The following SAMD14 variants were observed in gnomAD, a reference collection of about 807,000 sequenced individuals.
The protein encoded by SAMD14 is sterile alpha motif domain containing 14, also known as sterile alpha motif domain-containing protein 14.
A neutral mutation model predicts 46.2 loss-of-function variants in SAMD14; 27 were observed. The ratio of observed to expected loss-of-function variants is 0.58; its 90% CI spans 0.43 to 0.81. The LOEUF (loss-of-function observed/expected upper bound fraction) is 0.81, where lower values mean the gene tolerates loss of function less well. Ranked by LOEUF, SAMD14 falls within the 30% of genes least tolerant of loss-of-function variation. SAMD14 has a pLI of 0.00. For synonymous variants in SAMD14, 241 were observed against 254.3 expected, an observed-to-expected ratio of 0.95 and a Z score of 0.50; for missense variants, 559 against 582.2, an observed-to-expected ratio of 0.96 and a Z score of 0.41.
chr17:50,121,420 C>G (rs935123751), intron 2 of SAMD14, among the ~76,000 whole-genome samples: 1 of 151,954 alleles, frequency 6.6e-6, no homozygotes, highest in African/African-American at 2.4e-5. Flanking sequence ...CAGGCTCAAT[C>G]GATTCTCCTG....
Position 50,114,214 on chromosome 17 carries a change from G to A in SAMD14, c.915C>T (p.Tyr305=). The change falls in exon 8 of 10, where the codon TAC becomes TAT. Residue 305 remains tyrosine, a synonymous_variant. Transcript: ENST00000330175. The part of the protein sequence containing the change: ...PWQEAKCSYP[Y]HTLSQSSDEF... ...CATCTGAAGACTGAGACAGCGTGTG[G>A]TAGGGGTAAGAACATTTGGCCTCCT... 2 of 1,614,212 alleles carry A rather than the reference G, an allele frequency of 1.2e-6. No homozygotes were observed. The highest frequency in any genetic ancestry group is 8.5e-7 in the Non-Finnish European group (1 of 1,180,036).
chr17:50,122,381 T>G (rs1337637146), intron 2 of SAMD14, among the ~76,000 whole-genome samples: 4 of 152,154 alleles, frequency 2.6e-5, no homozygotes, highest in Admixed American at 6.5e-5. Context: ...AGTGCATGCT[T>G]TGGCGGAGAT....
At chr17:50,118,023 C>G (rs1567720484) in intron 3 of SAMD14, 138 bp downstream of exon 3, 11 of 931,316 alleles carry the variant, frequency 1.2e-5, no homozygotes, top group Non-Finnish European at 1.7e-5. Context: ...TGAACTGCAG[C>G]TAACACTTGG....
Position 50,117,579 on chromosome 17 carries a change from C to T in SAMD14, c.327G>A (p.Leu109=), listed in dbSNP as rs757341175. 6.4e-7 allele frequency: 1 copy of T among 1,552,796 alleles called. No individual in the cohort carries two copies. Among genetic ancestry groups the T allele is most frequent in the South Asian group, 1.2e-5 (1 of 84,388 alleles). ...CLDPPGLRRS[L]DEDEPPPSPL... is the part of the protein sequence containing the mutation. ...GCGAGGGCGGCGGCTCGTCCTCGTCCAGGCTGCGCCGCAACCCCGGAGGAT... is the reference window on the plus strand; with the variant it reads ...GCGAGGGCGGCGGCTCGTCCTCGTCTAGGCTGCGCCGCAACCCCGGAGGAT... The change falls in exon 4 of 10, where the codon CTG becomes CTA. Residue 109 remains leucine, a synonymous_variant. Coordinates refer to ENST00000330175, the MANE Select transcript of SAMD14 (RefSeq NM_001257359.2).
intron 1 of SAMD14, chr17:50,125,230 C>T: frequency 2.2e-6 from 1 of 460,926 alleles, no homozygotes; most frequent in Non-Finnish European, 4.0e-6. Flanking sequence ...GCCCTGTGGT[C>T]CTGGTATCCT....
At chr17:50,124,806 C>G in intron 2 of SAMD14, 111 bp downstream of exon 2, 1 of 1,033,546 alleles carries the variant, frequency 9.7e-7, no homozygotes, top group Non-Finnish European at 1.5e-6. Context: ...CACACACACA[C>G]ACTCTGAAGC....
chr17:50,112,889 T>TC lies in SAMD14; in HGVS notation c.*3dup. The TC allele has an allele frequency of 6.2e-7, 1 of 1,602,164 alleles. No individual in the cohort carries two copies. The highest frequency in any genetic ancestry group is 2.2e-5 in the East Asian group (1 of 44,806). The stretch of plus-strand genomic sequence containing the variant: ...GCCGGGTGCCAGCGCCTGTGCACCC[T>TC]CCCCTAGCTCTTCTTGGCCTCCTGC... On this transcript the variant is annotated 3_prime_UTR_variant, in exon 10 of 10. Coordinates refer to ENST00000330175, the MANE Select transcript of SAMD14 (RefSeq NM_001257359.2).
At chr17:50,113,790 G>T (rs1431759405) in intron 9 of SAMD14, 134 bp downstream of exon 9, 3 of 997,086 alleles carry the variant, frequency 3.0e-6, no homozygotes, top group Admixed American at 2.4e-5. Flanking sequence ...GGTCAGGGTG[G>T]TGGCCACAGA....
rs1421870009 is a variant in SAMD14 at position 50,110,836 on chromosome 17, G to C, written c.*2057C>G. The stretch of plus-strand genomic sequence containing the variant: ...GCCCACCCGCTCCTCCACAAGCCTA[G>C]TCCATCCTGCCTGAGCTCCAGCCCC... On this transcript the variant is annotated 3_prime_UTR_variant, in exon 10 of 10. Transcript: ENST00000330175. The C allele has an allele frequency of 1.3e-5, 2 of 152,486 alleles. No homozygotes were observed. The highest frequency in any genetic ancestry group is 4.8e-5 in the African/African-American group (2 of 41,424). The allele number at this position is 152,486 out of a possible 1,614,324, so 9.4% of individuals were successfully genotyped here. A position where few individuals can be genotyped will look rare whatever the true frequency, so the allele number is the denominator to read the frequency against.
Position 50,115,794 on chromosome 17 carries a change from G to GC in SAMD14, c.662+35_662+36insG. On this transcript the variant is annotated intron_variant, in intron 6 of 9. Transcript: ENST00000330175. This position sits in a 1 kb window ranked among gnomAD's most constrained non-coding sequence, Gnocchi z 5.3. ...CCAGAGCACATGGGGAGCCAGGGGC[G>GC]GGAGCTGTGGGTGGGCCGCCATGGG... 2 of 1,612,734 alleles carry GC rather than the reference G, an allele frequency of 1.2e-6. No homozygotes were observed. The highest frequency in any genetic ancestry group is 2.2e-5 in the South Asian group (2 of 91,066).
At chr17:50,124,761 A>ACGCGCACGCGCGCGCG (rs1555563082) in intron 2 of SAMD14, among the ~76,000 whole-genome samples, 156 bp downstream of exon 2, 2 of 108,144 alleles carry the variant, frequency 1.8e-5, no homozygotes, top group African/African-American at 8.2e-5. Context: ...GCACGCGTGC[A>ACGCGCACGCGCGCGCG]CGCGCGCGCG....
Position 50,130,105 on chromosome 17 carries a change from GC to G in SAMD14, c.-602del, listed in dbSNP as rs1911967157. 6.6e-6 allele frequency among the ~76,000 whole-genome samples: 1 copy of G among 151,928 alleles called. No individual in the cohort carries two copies. Among genetic ancestry groups the G allele is most frequent in the East Asian group, 1.9e-4 (1 of 5,142 alleles). The stretch of plus-strand genomic sequence containing the variant: ...GGGGGAGGGCGGCGGGGAGGAGGCG[GC>G]TGGGGCCGGGGAGCGGAGTTGCAGC... On this transcript the variant is annotated 5_prime_UTR_variant, in exon 1 of 10. Coordinates refer to ENST00000330175, the MANE Select transcript of SAMD14 (RefSeq NM_001257359.2). The surrounding 1 kb of genome is among the most constrained non-coding windows in gnomAD (Gnocchi z 4.1).
At position 50,129,603 on chromosome 17, in the gene SAMD14, G is replaced by GT. The variant is rs1911940626; in HGVS notation, c.-100dup. ...GAGGCGGGGGCCGGGCAGGAGAGGGGTGGGGGGACCGTCACCCCGGCCGCG... is the reference window on the plus strand; with the variant it reads ...GAGGCGGGGGCCGGGCAGGAGAGGGGTTGGGGGGACCGTCACCCCGGCCGCG... On this transcript the variant is annotated 5_prime_UTR_variant, in exon 1 of 10. Coordinates refer to ENST00000330175, the MANE Select transcript of SAMD14 (RefSeq NM_001257359.2). The surrounding 1 kb of genome is among the most constrained non-coding windows in gnomAD (Gnocchi z 5.6). The GT allele has an allele frequency of 6.6e-6, 1 of 152,114 alleles. No homozygotes were observed. The highest frequency in any genetic ancestry group is 1.5e-5 in the Non-Finnish European group (1 of 68,034). 9.4% of individuals were successfully genotyped at this position (152,114 alleles called of 1,614,324 possible).
rs1251745851 is a variant in SAMD14 at position 50,117,609 on chromosome 17, G to A, written c.297C>T (p.Cys99=). The part of the protein sequence containing the change: ...GPGSPAGGSF[C]LDPPGLRRSL... ...TGCGCCGCAACCCCGGAGGATCCAG[G>A]CAGAAAGAGCCCCCGGCCGGGGACC... is the stretch of plus-strand genomic sequence containing the variant. Residue 99 remains cysteine, a synonymous_variant, in exon 4 of 10, where the codon TGC becomes TGT. Coordinates refer to ENST00000330175, the MANE Select transcript of SAMD14 (RefSeq NM_001257359.2). 3.2e-6 allele frequency: 5 copies of A among 1,556,962 alleles called. No individual in the cohort carries two copies. The highest frequency in any genetic ancestry group is 2.6e-6 in the Non-Finnish European group (3 of 1,161,272).
rs1598217490 is a variant in SAMD14, at chr17:50,110,242, A to G, written c.*2651T>C. On this transcript the variant is annotated 3_prime_UTR_variant, in exon 10 of 10. Coordinates refer to ENST00000330175, the MANE Select transcript of SAMD14 (RefSeq NM_001257359.2). ...TGTCTCTATGGAAGTCACTGCGGTG[A>G]TAGGTCTGTGATGGTCCCTAAGTGC... The G allele has an allele frequency of 1.1e-6, 1 of 896,424 alleles. No individual in the cohort carries two copies. The highest frequency in any genetic ancestry group is 1.6e-6 in the Non-Finnish European group (1 of 614,808). 55.5% of individuals were successfully genotyped at this position (896,424 alleles called of 1,614,324 possible). A position where few individuals can be genotyped will look rare whatever the true frequency, so the allele number is the denominator to read the frequency against.
intron 1 of SAMD14, chr17:50,125,306 C>T (rs1385116454): frequency 2.2e-5 from 6 of 278,308 alleles, no homozygotes; most frequent in African/African-American, 4.3e-5. Flanking sequence ...TGTCTTGGGC[C>T]TTCGCATCAT....
At position 50,112,164 on chromosome 17, in the gene SAMD14, G is replaced by C. The variant is rs1910884644; in HGVS notation, c.*729C>G. On this transcript the variant is annotated 3_prime_UTR_variant, in exon 10 of 10. Coordinates refer to ENST00000330175, the MANE Select transcript of SAMD14 (RefSeq NM_001257359.2). ...TGGGTCAAAGACCAGGTCTTGAATG[G>C]GCCCTGAGAGGCAGACCTGTGTGGT... 6.6e-6 allele frequency: 1 copy of C among 152,202 alleles called. No individual in the cohort carries two copies. 9.4% of individuals were successfully genotyped at this position (152,202 alleles called of 1,614,324 possible).
chr17:50,128,371 G>T (rs1250853505), intron 1 of SAMD14, among the ~76,000 whole-genome samples: 1 of 151,602 alleles, frequency 6.6e-6, no homozygotes, highest in Non-Finnish European at 1.5e-5. Context: ...TTGTGTCCAG[G>T]GGGTCACCAG....
Position 50,117,596 on chromosome 17 carries a change from C to T in SAMD14, c.310G>A (p.Gly104Arg). The T allele has an allele frequency of 6.4e-7, 1 of 1,555,344 alleles. No homozygotes were observed. Among genetic ancestry groups the T allele is most frequent in the Non-Finnish European group, 8.6e-7 (1 of 1,160,554 alleles). ...AGGSFCLDPP[G>R]LRRSLDEDEP... ...TCCTCGTCCAGGCTGCGCCGCAACCCCGGAGGATCCAGGCAGAAAGAGCCC... is the reference window on the plus strand; with the variant it reads ...TCCTCGTCCAGGCTGCGCCGCAACCTCGGAGGATCCAGGCAGAAAGAGCCC... Residue 104 changes from glycine (G) to arginine (R), a missense_variant, in exon 4 of 10, where the codon GGG becomes AGG. By Grantham distance (125) the Gly-to-Arg change is moderately radical (BLOSUM62 -2). Transcript: ENST00000330175.
Sources: allele counts gnomAD v4.1 joint callset (sites outside exome capture counted in the v4.1 genomes callset), GRCh38; gene constraint gnomAD v4.1.1; non-coding constraint Gnocchi (gnomAD v3.1); transcripts MANE v1.5; gene names NCBI Gene and HGNC (gene_info 2026-07-23, HGNC 2026-07-21).